The following CHD8 variants were observed in gnomAD, a reference collection of about 807,000 sequenced individuals.
CHD8 encodes the protein ATP-dependent chromatin remodeler CHD8.
CHD8 carries 31 observed loss-of-function variants against 279.2 expected under a neutral mutation model. That is an observed-to-expected ratio of 0.11 (90% CI 0.08 to 0.15). The LOEUF is 0.15. Among genes scored for constraint, CHD8 ranks in the 10% least tolerant of loss-of-function variants. The probability of loss-of-function intolerance (pLI) is 1.00; values close to 1 mark genes in which losing one functional copy is unlikely to be tolerated. For missense variants in CHD8, 2,146 were observed against 3,230.5 expected, an observed-to-expected ratio of 0.66 and a Z score of 8.14; for synonymous variants, 1,081 against 1,139.6, an observed-to-expected ratio of 0.95 and a Z score of 1.04.
At chr14:21,434,865 G>C (rs1182651014) in intron 1 of CHD8, among the ~76,000 whole-genome samples, 1 of 151,810 alleles carries the variant, frequency 6.6e-6, no homozygotes, top group Non-Finnish European at 1.5e-5. Flanking sequence ...ACTACTTGTG[G>C]GTCACCCTGG....
intron 37 of CHD8, among the ~76,000 whole-genome samples, chr14:21,386,818 G>A (rs895737135): frequency 6.8e-6 from 1 of 146,128 alleles, no homozygotes; most frequent in East Asian, 2.0e-4. Context: ...CAGCCTGAGC[G>A]ACAGCGAGAC....
At chr14:21,391,393 TTC>T in intron 36 of CHD8, 68 bp downstream of exon 36, 4 of 1,431,052 alleles carry the variant, frequency 2.8e-6, no homozygotes, top group Non-Finnish European at 3.9e-6. Flanking sequence ...ATGTCATGCT[TTC>T]TCTTTCTCAT....
At chr14:21,452,127 G>A (rs773258642) in intron 1 of CHD8, among the ~76,000 whole-genome samples, 38 of 152,182 alleles carry the variant, frequency 2.5e-4, no homozygotes, top group Non-Finnish European at 4.0e-4. Flanking sequence ...TGCCATCTCC[G>A]CCTCCCTGGT....
chr14:21,415,539 A>AAATC, intron 7 of CHD8, 35 bp downstream of exon 7: 1 of 1,064,428 alleles, frequency 9.4e-7, no homozygotes, highest in Non-Finnish European at 1.2e-6. Flanking sequence ...ATAAATAAAT[A>AAATC]AATAAAAATA....
intron 1 of CHD8, chr14:21,436,754 TA>T: frequency 5.5e-6 from 2 of 360,894 alleles, no homozygotes; most frequent in Non-Finnish European, 1.1e-5. Flanking sequence ...CTACGACAGC[TA>T]AAGACATGTA....
At position 21,431,393 on chromosome 14, in the gene CHD8, G is replaced by C. The variant is rs773676465; in HGVS notation, c.251C>G (p.Ala84Gly). 6 of 1,537,296 alleles carry C rather than the reference G, an allele frequency of 3.9e-6. No homozygotes were observed. The highest frequency in any genetic ancestry group is 5.2e-6 in the Non-Finnish European group (6 of 1,146,910). ...APTELSKESTAPAPESITLHD... is the reference protein window; with the variant it reads ...APTELSKESTGPAPESITLHD... ...CAAGGTTATGGATTCTGGAGCTGGA[G>C]CTGTGGATTCTTTGGAAAGTTCTGT... The change falls in exon 2 of 38, where the codon GCT becomes GGT. Residue 84 changes from alanine (A) to glycine (G), a missense_variant. Physicochemically the swap from Ala to Gly is moderately conservative, Grantham distance 60. This residue lies in a region of CHD8 where 302 missense variants were observed against 325.5 expected (regional missense o/e 0.93). Coordinates refer to ENST00000646647, the MANE Select transcript of CHD8 (RefSeq NM_001170629.2).
At chr14:21,406,097 A>G (rs1384569491) in intron 14 of CHD8, among the ~76,000 whole-genome samples, 1 of 152,222 alleles carries the variant, frequency 6.6e-6, no homozygotes, top group East Asian at 1.9e-4. Context: ...TAACATAAAT[A>G]TTATAAGCAA....
chr14:21,409,192 G>A (rs773881806), intron 11 of CHD8, among the ~76,000 whole-genome samples: 7 of 152,192 alleles, frequency 4.6e-5, no homozygotes, highest in Non-Finnish European at 8.8e-5. Context: ...AGACAGCACA[G>A]CTCTAAAATG....
At chr14:21,407,895 C>T (rs928706515) in intron 13 of CHD8, among the ~76,000 whole-genome samples, 3 of 152,134 alleles carry the variant, frequency 2.0e-5, no homozygotes, top group African/African-American at 7.2e-5. Context: ...AGGCATGAGC[C>T]ACCACGCCCG....
chr14:21,408,641 A>T lies in CHD8; in HGVS notation c.2486+63T>A, dbSNP rs1486531098. ...GTATGTAGGAAGAAATTGTTTCAAT[A>T]GAAAACAAATAAAAATAATCCCAGA... On this transcript the variant is annotated intron_variant, in intron 12 of 37. Transcript: ENST00000646647. The surrounding 1 kb of genome is among the most constrained non-coding windows in gnomAD (Gnocchi z 4.3). The T allele has an allele frequency of 6.4e-7, 1 of 1,570,282 alleles. No individual in the cohort carries two copies. Among genetic ancestry groups the T allele is most frequent in the African/African-American group, 1.4e-5 (1 of 72,800 alleles).
intron 5 of CHD8, among the ~76,000 whole-genome samples, chr14:21,421,041 A>G (rs1214441953): frequency 2.6e-5 from 4 of 152,194 alleles, no homozygotes; most frequent in Non-Finnish European, 5.9e-5. Context: ...GATTACCGGC[A>G]TGAGCCACCG....
chr14:21,392,879 A>G (rs1887610641), intron 33 of CHD8, 70 bp from the exon 34 acceptor site: 3 of 1,469,162 alleles, frequency 2.0e-6, no homozygotes, highest in Non-Finnish European at 2.8e-6. Flanking sequence ...GTGATACTCA[A>G]TAGTGCCATC....
chr14:21,423,905 G>T (rs1260329456), intron 5 of CHD8, among the ~76,000 whole-genome samples: 7 of 152,194 alleles, frequency 4.6e-5, no homozygotes, highest in African/African-American at 1.7e-4. Flanking sequence ...AACTCGCTCA[G>T]AGTGACAAAG....
At chr14:21,409,348 A>T (rs983895048) in intron 11 of CHD8, among the ~76,000 whole-genome samples, 3 of 152,200 alleles carry the variant, frequency 2.0e-5, no homozygotes, top group African/African-American at 7.2e-5. Context: ...TTCATGAGAA[A>T]ATTATAACGG....
At chr14:21,425,064 C>G (rs928779969) in intron 5 of CHD8, among the ~76,000 whole-genome samples, 1 of 152,134 alleles carries the variant, frequency 6.6e-6, no homozygotes, top group Non-Finnish European at 1.5e-5. Flanking sequence ...GAGATGGAAG[C>G]CTACGCTTCT....
At chr14:21,407,883 A>G (rs1240610205) in intron 13 of CHD8, among the ~76,000 whole-genome samples, 2 of 152,220 alleles carry the variant, frequency 1.3e-5, no homozygotes, top group Non-Finnish European at 2.9e-5. Flanking sequence ...TGCTAGGATT[A>G]CAGGCATGAG....
chr14:21,433,452 G>A (rs1213687598), intron 1 of CHD8, among the ~76,000 whole-genome samples: 1 of 152,160 alleles, frequency 6.6e-6, no homozygotes, highest in East Asian at 1.9e-4. Flanking sequence ...AGTCTTGCTT[G>A]GTAAGACCAT....
chr14:21,394,453 C>T lies in CHD8; in HGVS notation c.5423G>A (p.Arg1808Gln), dbSNP rs770457691. Residue 1808 changes from arginine to glutamine, a missense_variant, in exon 31 of 38, where the codon CGA becomes CAA. Physicochemically the swap from Arg to Gln is conservative, Grantham distance 43 (BLOSUM62 1). This residue lies in a region of CHD8 where 513 missense variants were observed against 637.6 expected (regional missense o/e 0.80). Coordinates refer to ENST00000646647, the MANE Select transcript of CHD8 (RefSeq NM_001170629.2). ...WTRREQTDFYRVVSTFGVEYD... is the reference protein window; with the variant it reads ...WTRREQTDFYQVVSTFGVEYD... ...TTCCACACCAAACGTAGACACCACT[C>T]GATAAAAATCAGTTTGTTCACGCCT... is the stretch of plus-strand genomic sequence containing the variant. The T allele has an allele frequency of 8.1e-6, 13 of 1,608,368 alleles. No individual in the cohort carries two copies. The highest frequency in any genetic ancestry group is 4.5e-5 in the East Asian group (2 of 44,722).
rs1566433722 is a variant in CHD8, at chr14:21,415,776, T to A, written c.1848A>T (p.Glu616Asp). Residue 616 changes from glutamate (E) to aspartate (D), a missense_variant, in exon 6 of 38, where the codon GAA becomes GAT. Physicochemically the swap from Glu to Asp is conservative, Grantham distance 45. Coordinates refer to ENST00000646647, the MANE Select transcript of CHD8 (RefSeq NM_001170629.2). ...GPIKPEPILP[E>D]PVQEPDGETL... ...TCTCGCCATCTGGTTCTTGCACTGG[T>A]TCAGGGAGGATAGGCTCAGGTTTTA... 1 of 1,613,946 alleles carries A rather than the reference T, an allele frequency of 6.2e-7. No homozygotes were observed. Among genetic ancestry groups the A allele is most frequent in the East Asian group, 2.2e-5 (1 of 44,880 alleles).
Sources: gnomAD v4.1 joint callset for allele counts (sites outside exome capture counted in the v4.1 genomes callset) on GRCh38, gnomAD v4.1.1 for gene constraint, gnomAD v4.1.1 regional missense constraint, Gnocchi (gnomAD v3.1) non-coding constraint, MANE v1.5 for transcripts, NCBI Gene and HGNC (gene_info 2026-07-23, HGNC 2026-07-21) for gene names.